NUBPL: variants seen among roughly 807,000 people sequenced by gnomAD.
NUBPL encodes the protein iron-sulfur cluster transfer protein NUBPL.
In NUBPL, 31 loss-of-function variants were observed where a neutral mutation model predicts 45.7. That is an observed-to-expected ratio of 0.68 (90% CI 0.51 to 0.92). NUBPL has a LOEUF of 0.92. NUBPL is among the 40% of genes least tolerant of loss of function. The pLI, the probability that NUBPL is intolerant of heterozygous loss-of-function variation, is 0.00. For missense variants in NUBPL, 401 were observed against 398.7 expected (o/e 1.01, Z -0.05); for synonymous variants, 144 against 140.9 (o/e 1.02, Z -0.15).
At chr14:31,687,805 A>G (rs147834380) in intron 6 of NUBPL, among the ~76,000 whole-genome samples, 222 of 152,358 alleles carry the variant, frequency 1.5e-3, no homozygotes, top group Middle Eastern at 0.014. Flanking sequence ...GAAGAAGTAG[A>G]GGAAAATCAC....
rs370170564 is a variant in NUBPL, at chr14:31,576,437, T to G, written c.291+11389T>G. Among the ~76,000 whole-genome samples, 38 of 152,262 alleles carry G rather than the reference T, an allele frequency of 2.5e-4. No homozygotes were observed. In the South Asian group the frequency reaches 7.7e-3, roughly 31 times the overall value. On this transcript the variant is annotated intron_variant, in intron 3 of 10. Transcript: ENST00000281081. Reference sequence around the variant, plus strand: ...CCACCATGCTTGACTAATTTTTTATTTTTGGCAGAGACAGGATCTCACTAT... The same window carrying G: ...CCACCATGCTTGACTAATTTTTTATGTTTGGCAGAGACAGGATCTCACTAT...
intron 6 of NUBPL, among the ~76,000 whole-genome samples, chr14:31,735,288 A>G (rs751183123): frequency 9.2e-5 from 14 of 152,200 alleles, no homozygotes; most frequent in Non-Finnish European, 1.5e-4. Context: ...ATAGCAAACC[A>G]GGAAGAACAT....
At chr14:31,747,509 A>T (rs893809660) in intron 6 of NUBPL, among the ~76,000 whole-genome samples, 6 of 152,058 alleles carry the variant, frequency 3.9e-5, no homozygotes. Flanking sequence ...TGGCCTGCTC[A>T]GGTTTGTTGT....
chr14:31,770,475 A>G (rs1421263874), intron 6 of NUBPL, among the ~76,000 whole-genome samples: 1 of 152,174 alleles, frequency 6.6e-6, no homozygotes, highest in Non-Finnish European at 1.5e-5. Flanking sequence ...AGAAATGCCA[A>G]AGTCTGAAAA....
intron 6 of NUBPL, among the ~76,000 whole-genome samples, chr14:31,760,832 CTTTATTTA>C (rs145333442): frequency 4.0e-5 from 6 of 150,868 alleles, no homozygotes; most frequent in South Asian, 2.1e-4. Flanking sequence ...TTACATTTTA[CTTTATTTA>C]TTTATTTATT....
chr14:31,613,907 A>T (rs2034828971), intron 4 of NUBPL, among the ~76,000 whole-genome samples: 1 of 152,066 alleles, frequency 6.6e-6, no homozygotes, highest in South Asian at 2.1e-4. Flanking sequence ...AATTAAAAAT[A>T]AAAAATTAAA....
chr14:31,577,504 G>T (rs961173674), intron 3 of NUBPL, among the ~76,000 whole-genome samples: 3 of 152,144 alleles, frequency 2.0e-5, no homozygotes, highest in African/African-American at 7.2e-5. Flanking sequence ...ACCTCCACCT[G>T]CCAGTTTCAA....
At chr14:31,823,297 G>T (rs1595680259) in intron 7 of NUBPL, among the ~76,000 whole-genome samples, 1 of 151,884 alleles carries the variant, frequency 6.6e-6, no homozygotes, top group Admixed American at 6.6e-5. Flanking sequence ...CATTACTTTT[G>T]TTTGATAAAA....
chr14:31,811,184 G>A (rs2039797646), intron 7 of NUBPL, among the ~76,000 whole-genome samples: 1 of 152,122 alleles, frequency 6.6e-6, no homozygotes, highest in African/African-American at 2.4e-5. Flanking sequence ...GGCTGGGGAA[G>A]TTCTCCTGGA....
intron 4 of NUBPL, among the ~76,000 whole-genome samples, chr14:31,666,357 C>A (rs1325839988): frequency 6.6e-6 from 1 of 150,996 alleles, no homozygotes; most frequent in Non-Finnish European, 1.5e-5. Context: ...CTCCGCCTCC[C>A]GGGTTCAAAC....
At position 31,749,376 on chromosome 14, in the gene NUBPL, T is replaced by C. The variant is rs8006433; in HGVS notation, c.514-38404T>C. On this transcript the variant is annotated intron_variant, in intron 6 of 10. Coordinates refer to ENST00000281081, the MANE Select transcript of NUBPL (RefSeq NM_025152.3). ...GATGAAGGATGCCTTTAAGCATTTGTTGTAAAGCTGGTCTTATGGTGATGA... is the reference window on the plus strand; with the variant it reads ...GATGAAGGATGCCTTTAAGCATTTGCTGTAAAGCTGGTCTTATGGTGATGA... Among the ~76,000 whole-genome samples the C allele has an allele frequency of 6.5e-3, 991 of 152,346 alleles. 10 individuals carry two copies. The highest frequency in any genetic ancestry group is 0.022 in the African/African-American group (928 of 41,586).
chr14:31,726,602 TG>T (rs1256783185), intron 6 of NUBPL, among the ~76,000 whole-genome samples: 1 of 152,162 alleles, frequency 6.6e-6, no homozygotes, highest in Non-Finnish European at 1.5e-5. Context: ...CTTGTCTGTC[TG>T]GGGGACCACA....
chr14:31,688,567 G>T (rs568595919), intron 6 of NUBPL, among the ~76,000 whole-genome samples: 25 of 138,456 alleles, frequency 1.8e-4, no homozygotes, highest in South Asian at 4.6e-4. Context: ...GCAACAGTGT[G>T]AGACTCCATC....
At chr14:31,802,721 G>T (rs1047334571) in intron 7 of NUBPL, among the ~76,000 whole-genome samples, 1 of 152,206 alleles carries the variant, frequency 6.6e-6, no homozygotes, top group African/African-American at 2.4e-5. Context: ...CTCAGATATT[G>T]TGTTATGGCA....
At chr14:31,575,255 C>T (rs921251183) in intron 3 of NUBPL, among the ~76,000 whole-genome samples, 1 of 152,116 alleles carries the variant, frequency 6.6e-6, no homozygotes, top group Non-Finnish European at 1.5e-5. Context: ...TTGAAAGGTT[C>T]AACAGTCTTA....
intron 6 of NUBPL, among the ~76,000 whole-genome samples, chr14:31,710,683 G>A (rs2037551866): frequency 6.6e-6 from 1 of 152,184 alleles, no homozygotes; most frequent in African/African-American, 2.4e-5. Context: ...ATGAAGTGGA[G>A]GGCCATACCC....
At chr14:31,622,295 G>A (rs4981866) in intron 4 of NUBPL, among the ~76,000 whole-genome samples, 68,738 of 151,978 alleles carry the variant, frequency 0.45, 17,004 homozygotes, top group East Asian at 0.6. Flanking sequence ...TTTGAACTTA[G>A]TTTAAAGGGA....
At chr14:31,744,341 T>G (rs2038349332) in intron 6 of NUBPL, among the ~76,000 whole-genome samples, 1 of 152,220 alleles carries the variant, frequency 6.6e-6, no homozygotes, top group Admixed American at 6.5e-5. Context: ...GAATAATTGA[T>G]ATTCAGAATA....
intron 4 of NUBPL, among the ~76,000 whole-genome samples, chr14:31,631,046 TC>T (rs2035328458): frequency 6.6e-6 from 1 of 152,182 alleles, no homozygotes; most frequent in South Asian, 2.1e-4. Flanking sequence ...ATGAATGGGC[TC>T]TGTTTGGATT....
Sources: gnomAD v4.1 joint callset for allele counts (sites outside exome capture counted in the v4.1 genomes callset) on GRCh38, gnomAD v4.1.1 for gene constraint, MANE v1.5 for transcripts, NCBI Gene and HGNC (gene_info 2026-07-23, HGNC 2026-07-21) for gene names.